SLC9A4: variants seen among roughly 807,000 people sequenced by gnomAD.
The protein encoded by SLC9A4 is sodium/hydrogen exchanger 4.
SLC9A4 carries 63 observed loss-of-function variants against 67.4 expected under a neutral mutation model. The ratio of observed to expected loss-of-function variants is 0.93; its 90% CI spans 0.76 to 1.15. The LOEUF (loss-of-function observed/expected upper bound fraction) is 1.15. Ranked by LOEUF, SLC9A4 falls within the 50% of genes most tolerant of loss-of-function variation. The pLI, the probability that SLC9A4 is intolerant of heterozygous loss-of-function variation, is 0.00. For synonymous variants in SLC9A4, 393 were observed against 367.2 expected (o/e 1.07, Z -0.80); for missense variants, 1,089 against 987.7 (o/e 1.10, Z -1.38).
chr2:102,530,602 C>A (rs1292866844), intron 11 of SLC9A4, among the ~76,000 whole-genome samples: 1 of 152,128 alleles, frequency 6.6e-6, no homozygotes, highest in Non-Finnish European at 1.5e-5. Context: ...CAGGGTCTGT[C>A]CACTGATGGA....
chr2:102,477,780 C>T (rs1684364319), intron 1 of SLC9A4, among the ~76,000 whole-genome samples: 1 of 152,154 alleles, frequency 6.6e-6, no homozygotes, highest in Non-Finnish European at 1.5e-5. Context: ...GGTCCTTTGG[C>T]TGAATGCAGG....
chr2:102,525,296 C>T, intron 10 of SLC9A4, 141 bp downstream of exon 10: 1 of 1,363,894 alleles, frequency 7.3e-7, no homozygotes, highest in Non-Finnish European at 1.0e-6. Context: ...CTGAGAGATA[C>T]TAAAGCAAGA....
intron 11 of SLC9A4, among the ~76,000 whole-genome samples, chr2:102,529,962 T>C (rs960481564): frequency 6.6e-6 from 1 of 152,186 alleles, no homozygotes; most frequent in Non-Finnish European, 1.5e-5. Flanking sequence ...TTAGAATCCA[T>C]GTGCATCAAG....
intron 8 of SLC9A4, among the ~76,000 whole-genome samples, chr2:102,516,445 A>T (rs1360728022): frequency 1.3e-5 from 2 of 152,172 alleles, no homozygotes; most frequent in Non-Finnish European, 2.9e-5. Context: ...TACCAAACAA[A>T]CCTTCATACA....
chr2:102,530,746 T>C (rs1486223058), intron 11 of SLC9A4, among the ~76,000 whole-genome samples: 4 of 152,152 alleles, frequency 2.6e-5, no homozygotes, highest in Non-Finnish European at 1.5e-5. Flanking sequence ...GTAGAGAACA[T>C]GTTAAAGGAG....
chr2:102,517,652 C>T (rs1023485518), intron 8 of SLC9A4, among the ~76,000 whole-genome samples: 1 of 152,010 alleles, frequency 6.6e-6, no homozygotes, highest in Non-Finnish European at 1.5e-5. Flanking sequence ...GATGGATATC[C>T]CAATTACCCT....
intron 2 of SLC9A4, among the ~76,000 whole-genome samples, chr2:102,499,099 C>T (rs557732952): frequency 6.6e-6 from 1 of 152,264 alleles, no homozygotes; most frequent in Non-Finnish European, 1.5e-5. Flanking sequence ...TCATCAGGAA[C>T]CCACAGGCTG....
At chr2:102,526,112 C>A in intron 10 of SLC9A4, 147 bp from the exon 11 acceptor site, 2 of 674,558 alleles carry the variant, frequency 3.0e-6, no homozygotes, top group East Asian at 3.6e-5. Context: ...GGTCTTGAAC[C>A]CCTGACCTCA....
intron 2 of SLC9A4, among the ~76,000 whole-genome samples, chr2:102,479,922 G>A (rs931190668): frequency 3.3e-5 from 5 of 152,190 alleles, no homozygotes; most frequent in Admixed American, 2.6e-4. Flanking sequence ...CAGCATTAAG[G>A]CTCAGGGGAT....
chr2:102,481,320 C>G (rs1270636860), intron 2 of SLC9A4, among the ~76,000 whole-genome samples: 1 of 152,016 alleles, frequency 6.6e-6, no homozygotes, highest in African/African-American at 2.4e-5. Context: ...ACATTGTTTC[C>G]TTAATGTTTT....
At chr2:102,482,032 A>T (rs552904205) in intron 2 of SLC9A4, among the ~76,000 whole-genome samples, 1 of 152,344 alleles carries the variant, frequency 6.6e-6, no homozygotes, top group South Asian at 2.1e-4. Context: ...TCATTTATTC[A>T]TAGCGAGAAT....
chr2:102,479,389 G>C (rs905130229), intron 2 of SLC9A4, 87 bp downstream of exon 2: 2 of 1,368,472 alleles, frequency 1.5e-6, no homozygotes, highest in African/African-American at 2.9e-5. Flanking sequence ...GACGGCTCCA[G>C]TGTGGCTCAG....
chr2:102,480,527 T>C (rs2104414371), intron 2 of SLC9A4, among the ~76,000 whole-genome samples: 1 of 152,322 alleles, frequency 6.6e-6, no homozygotes, highest in African/African-American at 2.4e-5. Flanking sequence ...ATTTAGCAGT[T>C]TCCTGATGAA....
intron 2 of SLC9A4, among the ~76,000 whole-genome samples, chr2:102,502,163 T>G (rs1029346027): frequency 6.6e-6 from 1 of 152,232 alleles, no homozygotes; most frequent in Non-Finnish European, 1.5e-5. Context: ...CTTCATTTTC[T>G]GCAGAGATCT....
At position 102,525,047 on chromosome 2, in the gene SLC9A4, C is replaced by T; in HGVS notation, c.1842C>T (p.Asn614=). The change falls in exon 10 of 12, where the codon AAC becomes AAT. Residue 614 remains asparagine, a synonymous_variant. Transcript: ENST00000295269. The stretch of plus-strand genomic sequence containing the variant: ...AGACCCTGTCCTACAACAAATACAA[C>T]CTCAAACCCCAAACAAGTGAGAAGC... The part of the protein sequence containing the change: ...RQRTLSYNKY[N]LKPQTSEKQA... 3.1e-6 allele frequency: 5 copies of T among 1,614,056 alleles called. No homozygotes were observed. Among genetic ancestry groups the T allele is most frequent in the Non-Finnish European group, 2.5e-6 (3 of 1,179,968 alleles).
chr2:102,527,787 T>A (rs1371890348), intron 11 of SLC9A4, among the ~76,000 whole-genome samples: 1 of 152,246 alleles, frequency 6.6e-6, no homozygotes, highest in Non-Finnish European at 1.5e-5. Context: ...AAAATTTATA[T>A]GTCAGATTTA....
chr2:102,501,080 T>TGGGAGTAGCTGGGATTACAGGCATGCG (rs1684919890), intron 2 of SLC9A4, among the ~76,000 whole-genome samples: 1 of 151,600 alleles, frequency 6.6e-6, no homozygotes, highest in African/African-American at 2.4e-5. Context: ...TGCCTCAGTC[T>TGGGAGTAGCTGGGATTACAGGCATGCG]CCCGAGTAGC....
rs200998377 is a variant in SLC9A4, at chr2:102,532,698, C to T, written c.*10C>T. 2.5e-4 allele frequency: 394 copies of T among 1,605,470 alleles called. No homozygotes were observed. In the Middle Eastern group the frequency reaches 6.9e-3, roughly 28 times the overall value. On this transcript the variant is annotated 3_prime_UTR_variant, in exon 12 of 12. Coordinates refer to ENST00000295269, the MANE Select transcript of SLC9A4 (RefSeq NM_001011552.4). ...GCTCCAAAAAAAATAGTGTTATTGT[C>T]CACAAGATTGTTTTGGTGTTTCTCA...
intron 1 of SLC9A4, among the ~76,000 whole-genome samples, chr2:102,475,814 G>T (rs1307303991): frequency 6.6e-6 from 1 of 152,164 alleles, no homozygotes; most frequent in Non-Finnish European, 1.5e-5. Flanking sequence ...GTAGTTTTAT[G>T]TATAAGGGCT....
Sources: allele counts gnomAD v4.1 joint callset (sites outside exome capture counted in the v4.1 genomes callset), GRCh38; gene constraint gnomAD v4.1.1; transcripts MANE v1.5; gene names NCBI Gene and HGNC (gene_info 2026-07-23, HGNC 2026-07-21).